The following ZMYM2 variants were observed in gnomAD, a reference collection of about 807,000 sequenced individuals.
ZMYM2 encodes the protein zinc finger MYM-type protein 2.
Under a neutral mutation model 162.8 loss-of-function variants are expected in ZMYM2, and 56 were observed. The ratio of observed to expected loss-of-function variants is 0.34; its 90% CI spans 0.28 to 0.43. The LOEUF (loss-of-function observed/expected upper bound fraction) is 0.43, where lower values mean the gene tolerates loss of function less well. Ranked by LOEUF, ZMYM2 falls within the 20% of genes least tolerant of loss-of-function variation. The pLI is 1.00. For synonymous variants in ZMYM2, 510 were observed against 541.6 expected, an observed-to-expected ratio of 0.94 and a Z score of 0.81; for missense variants, 1,275 against 1,621.8, an observed-to-expected ratio of 0.79 and a Z score of 3.67.
chr13:20,042,039 G>A (rs1954298935), intron 12 of ZMYM2, among the ~76,000 whole-genome samples: 1 of 152,060 alleles, frequency 6.6e-6, no homozygotes, highest in Non-Finnish European at 1.5e-5. Flanking sequence ...TGTGCCTTGA[G>A]AATGATCTTT....
Position 20,036,825 on chromosome 13 carries a change from G to A in ZMYM2, c.2208G>A (p.Lys736=). 2.5e-6 allele frequency: 4 copies of A among 1,609,878 alleles called. No homozygotes were observed. The highest frequency in any genetic ancestry group is 3.4e-6 in the Non-Finnish European group (4 of 1,177,894). ...ACTATTGTTCTCAGCTATGTAAGAA[G>A]GGAGCAACTAAAGAACTCGATGGTG... is the stretch of plus-strand genomic sequence containing the variant. The part of the protein sequence containing the change: ...TCNYCSQLCK[K]GATKELDGVV... The change falls in exon 12 of 25, where the codon AAG becomes AAA. Residue 736 remains lysine (K), a synonymous_variant. Coordinates refer to ENST00000610343, the MANE Select transcript of ZMYM2 (RefSeq NM_197968.4).
the ZMYM2 span, among the ~76,000 whole-genome samples, chr13:19,916,075 T>A: frequency 2.6e-5 from 4 of 151,930 alleles, no homozygotes; most frequent in South Asian, 2.1e-4. Flanking sequence ...GTTAGCCAGG[T>A]TGGTCTCTAT....
chr13:20,008,942 T>A (rs1950958580), intron 6 of ZMYM2, among the ~76,000 whole-genome samples: 2 of 152,140 alleles, frequency 1.3e-5, no homozygotes, highest in African/African-American at 4.8e-5. Flanking sequence ...TTAGGAATTT[T>A]AAAATAGTAT....
At chr13:20,026,830 T>C (rs1952628134) in intron 8 of ZMYM2, 68 bp downstream of exon 8, 1 of 1,451,846 alleles carries the variant, frequency 6.9e-7, no homozygotes, top group Admixed American at 3.0e-5. Context: ...TAAATACTCA[T>C]TTGATGTTTT....
the ZMYM2 span, among the ~76,000 whole-genome samples, chr13:19,910,839 A>G: frequency 6.6e-6 from 1 of 152,128 alleles, no homozygotes; most frequent in East Asian, 1.9e-4. Flanking sequence ...AATGGACAGC[A>G]GAGTCAAAGT....
the ZMYM2 span, among the ~76,000 whole-genome samples, chr13:19,926,835 T>G: frequency 6.6e-6 from 1 of 152,128 alleles, no homozygotes; most frequent in East Asian, 1.9e-4. Flanking sequence ...GCCTGGCTAA[T>G]TTTTGTATTT....
At chr13:19,959,310 A>G (rs1390727522) in intron 1 of ZMYM2, among the ~76,000 whole-genome samples, 1 of 151,886 alleles carries the variant, frequency 6.6e-6, no homozygotes, top group East Asian at 1.9e-4. Context: ...CAGCGCTCCC[A>G]CCCTGTCCAC....
chr13:20,029,125 T>C (rs1302932945), intron 9 of ZMYM2, among the ~76,000 whole-genome samples: 1 of 152,252 alleles, frequency 6.6e-6, no homozygotes, highest in African/African-American at 2.4e-5. Context: ...AGCTTATAAA[T>C]AGAAGTTTGT....
chr13:19,897,938 A>G, the ZMYM2 span, among the ~76,000 whole-genome samples: 136 of 152,264 alleles, frequency 8.9e-4, 1 homozygote, highest in Non-Finnish European at 1.6e-3. Context: ...TGATAGAACA[A>G]CGAATGAAAA....
intron 2 of ZMYM2, among the ~76,000 whole-genome samples, chr13:19,974,663 G>C (rs890349576): frequency 6.6e-6 from 1 of 151,818 alleles, no homozygotes; most frequent in African/African-American, 2.4e-5. Flanking sequence ...GTAGAGATGG[G>C]GTTTCACCAT....
chr13:19,940,238 T>C, the ZMYM2 span, among the ~76,000 whole-genome samples: 1 of 151,892 alleles, frequency 6.6e-6, no homozygotes, highest in African/African-American at 2.4e-5. Flanking sequence ...TGAAATAGAG[T>C]TCTTCCTTAA....
chr13:20,028,240 A>C (rs1190916234), intron 9 of ZMYM2, among the ~76,000 whole-genome samples: 1 of 152,188 alleles, frequency 6.6e-6, no homozygotes, highest in Non-Finnish European at 1.5e-5. Context: ...TTAAGACTTA[A>C]CTTGTTATTT....
At chr13:19,895,874 A>G in the ZMYM2 span, among the ~76,000 whole-genome samples, 3 of 151,918 alleles carry the variant, frequency 2.0e-5, no homozygotes, top group African/African-American at 7.3e-5. Context: ...CCAAGTGTAA[A>G]TTGATTAATT....
At chr13:19,902,160 A>G in the ZMYM2 span, among the ~76,000 whole-genome samples, 73 of 152,332 alleles carry the variant, frequency 4.8e-4, 2 homozygotes, top group Non-Finnish European at 2.6e-4. Flanking sequence ...GTATGACTCC[A>G]TGACTCCACC....
At chr13:19,923,189 T>TAAA in the ZMYM2 span, among the ~76,000 whole-genome samples, 1 of 42,850 alleles carries the variant, frequency 2.3e-5, no homozygotes. Context: ...CTACTAAATA[T>TAAA]ACAAAAAAAA....
chr13:19,978,179 A>G (rs1373183416), intron 2 of ZMYM2, among the ~76,000 whole-genome samples: 1 of 152,026 alleles, frequency 6.6e-6, no homozygotes, highest in East Asian at 1.9e-4. Flanking sequence ...ACCCAGCCTA[A>G]AAGTATTTTT....
chr13:19,964,586 C>G (rs1290360683), intron 2 of ZMYM2, among the ~76,000 whole-genome samples: 1 of 152,092 alleles, frequency 6.6e-6, no homozygotes, highest in Non-Finnish European at 1.5e-5. Context: ...TTTTTAAAAA[C>G]TTTTGCACGT....
intron 19 of ZMYM2, 89 bp downstream of exon 19, chr13:20,064,634 A>G (rs957629595): frequency 2.5e-5 from 24 of 971,922 alleles, no homozygotes; most frequent in Non-Finnish European, 3.3e-5. Flanking sequence ...GAATATGGGA[A>G]CATATTTTGT....
intron 18 of ZMYM2, among the ~76,000 whole-genome samples, chr13:20,063,535 C>T (rs1166095028): frequency 6.6e-6 from 1 of 150,898 alleles, no homozygotes; most frequent in African/African-American, 2.4e-5. Context: ...AATCCCAGCA[C>T]TTTGGGAGGC....
Sources: gnomAD v4.1 joint callset for allele counts (sites outside exome capture counted in the v4.1 genomes callset) on GRCh38, gnomAD v4.1.1 for gene constraint, MANE v1.5 for transcripts, NCBI Gene and HGNC (gene_info 2026-07-23, HGNC 2026-07-21) for gene names.